The following CERS3 variants were observed in gnomAD, a reference collection of about 807,000 sequenced individuals.
CERS3 encodes the protein ceramide synthase 3.
CERS3 carries 33 observed loss-of-function variants against 50.3 expected under a neutral mutation model. The observed-to-expected ratio is 0.66, with a 90% CI of 0.50 to 0.88. CERS3 has a LOEUF of 0.88. Among genes scored for constraint, CERS3 ranks in the 40% least tolerant of loss-of-function variants. The pLI is 0.00. For synonymous variants in CERS3, 176 were observed against 155.2 expected, an observed-to-expected ratio of 1.13 and a Z score of -0.99; for missense variants, 470 against 460.3, an observed-to-expected ratio of 1.02 and a Z score of -0.19.
chr15:100,415,838 T>C (rs1332556837), intron 11 of CERS3, among the ~76,000 whole-genome samples: 2 of 151,970 alleles, frequency 1.3e-5, no homozygotes, highest in African/African-American at 2.4e-5. Context: ...AAATACCTAA[T>C]GTATGTGGGG....
intron 4 of CERS3, among the ~76,000 whole-genome samples, chr15:100,487,515 C>G (rs72759138): frequency 0.041 from 6,294 of 152,296 alleles, 179 homozygotes; most frequent in Non-Finnish European, 0.055. Context: ...CTTACATGGT[C>G]TGTCCTCACA....
At chr15:100,467,327 G>T (rs1278810547) in intron 10 of CERS3, among the ~76,000 whole-genome samples, 11 of 152,148 alleles carry the variant, frequency 7.2e-5, no homozygotes. Flanking sequence ...AATAAATGTT[G>T]TTGTCTTAAG....
chr15:100,402,522 T>C lies in CERS3; in HGVS notation c.*191A>G. 3 of 587,676 alleles carry C rather than the reference T, an allele frequency of 5.1e-6. No homozygotes were observed. Among genetic ancestry groups the C allele is most frequent in the Non-Finnish European group, 8.9e-6 (3 of 336,484 alleles). The allele number at this position is 587,676 out of a possible 1,614,324, so 36.4% of individuals were successfully genotyped here. On this transcript the variant is annotated 3_prime_UTR_variant, in exon 12 of 12. Transcript: ENST00000679737. Reference sequence around the variant, plus strand: ...GTCTGAGTCCTAACTGCAGTAAAAATCCATGGGCATGCTTATATTTAACAT... The same window carrying C: ...GTCTGAGTCCTAACTGCAGTAAAAACCCATGGGCATGCTTATATTTAACAT...
At chr15:100,433,430 T>C (rs1359968583) in intron 11 of CERS3, among the ~76,000 whole-genome samples, 1 of 152,000 alleles carries the variant, frequency 6.6e-6, no homozygotes, top group Non-Finnish European at 1.5e-5. Context: ...GTTCAGCTTA[T>C]CTATAAGGAG....
intron 3 of CERS3, among the ~76,000 whole-genome samples, chr15:100,501,338 T>G (rs1295228003): frequency 2.6e-5 from 4 of 152,210 alleles, no homozygotes; most frequent in African/African-American, 9.6e-5. Flanking sequence ...GGAATGCACA[T>G]GCATTGTCAG....
At chr15:100,409,293 G>A (rs534009564) in intron 11 of CERS3, among the ~76,000 whole-genome samples, 19 of 152,246 alleles carry the variant, frequency 1.2e-4, no homozygotes, top group African/African-American at 3.9e-4. Context: ...ACACGGACAT[G>A]TTCTACATTC....
chr15:100,441,348 C>A (rs909012121), intron 11 of CERS3, among the ~76,000 whole-genome samples: 1 of 151,680 alleles, frequency 6.6e-6, no homozygotes, highest in Non-Finnish European at 1.5e-5. Context: ...TATTTCCATG[C>A]CCCGACCCCT....
At chr15:100,508,108 G>A (rs1181107947) in intron 2 of CERS3, among the ~76,000 whole-genome samples, 1 of 152,084 alleles carries the variant, frequency 6.6e-6, no homozygotes, top group African/African-American at 2.4e-5. Context: ...AACCGTAAGT[G>A]TAGCAGAGGT....
chr15:100,512,467 C>T (rs1221187957), intron 2 of CERS3, among the ~76,000 whole-genome samples: 1 of 152,176 alleles, frequency 6.6e-6, no homozygotes, highest in Non-Finnish European at 1.5e-5. Context: ...TCCCAGAACC[C>T]TACAGGGCAG....
intron 7 of CERS3, among the ~76,000 whole-genome samples, 169 bp downstream of exon 7, chr15:100,479,255 AAAGG>A (rs1443617625): frequency 1.3e-5 from 2 of 152,106 alleles, no homozygotes; most frequent in African/African-American, 4.8e-5. Context: ...TAAACAAACT[AAAGG>A]AATGAGACAA....
chr15:100,426,723 GC>G (rs1326920119), intron 11 of CERS3, among the ~76,000 whole-genome samples: 2 of 152,180 alleles, frequency 1.3e-5, no homozygotes, highest in African/African-American at 4.8e-5. Flanking sequence ...CCTCTTTCAG[GC>G]TTCAAACTCA....
upstream of CERS3, among the ~76,000 whole-genome samples, chr15:100,532,909 T>C (rs907402540): frequency 6.6e-6 from 1 of 152,124 alleles, no homozygotes; most frequent in African/African-American, 2.4e-5. Flanking sequence ...CCCGCTCAAA[T>C]GTGAAGCCTA....
At chr15:100,418,789 AG>A (rs1168288767) in intron 11 of CERS3, among the ~76,000 whole-genome samples, 1 of 145,172 alleles carries the variant, frequency 6.9e-6, no homozygotes, top group Non-Finnish European at 1.5e-5. Flanking sequence ...ACATTCTTAA[AG>A]AAAAGAATTT....
rs2035435332 is a variant in CERS3, at chr15:100,484,663, A to G, written c.294T>C (p.Asp98=). The G allele has an allele frequency of 1.2e-6, 2 of 1,610,606 alleles. No homozygotes were observed. The highest frequency in any genetic ancestry group is 1.7e-6 in the Non-Finnish European group (2 of 1,176,824). ...KHSTRQPLQT[D]IYGLAKKCNL... ...TACACTTCTTTGCCAGTCCATAAAT[A>G]TCAGTCTGAAAAGGGATGAAACGCA... Residue 98 remains aspartate, a synonymous_variant, in exon 5 of 12, where the codon GAT becomes GAC. Transcript: ENST00000679737.
chr15:100,462,842 G>A (rs1206142607), intron 10 of CERS3, among the ~76,000 whole-genome samples: 1 of 152,184 alleles, frequency 6.6e-6, no homozygotes, highest in East Asian at 1.9e-4. Context: ...CAGTCAGGGG[G>A]AAAAGCAATA....
At chr15:100,403,079 T>C (rs898904802) in intron 11 of CERS3, among the ~76,000 whole-genome samples, 5 of 152,306 alleles carry the variant, frequency 3.3e-5, no homozygotes, top group Middle Eastern at 3.4e-3. Context: ...TTCTAGACCA[T>C]AATGGAATTA....
intron 11 of CERS3, among the ~76,000 whole-genome samples, chr15:100,429,240 A>G (rs1008847348): frequency 2.0e-5 from 3 of 152,192 alleles, no homozygotes; most frequent in Non-Finnish European, 4.4e-5. Flanking sequence ...TGGTTTCTAT[A>G]GCAGTGCTCT....
rs191236160 is a variant in CERS3, at chr15:100,513,834, C to T, written c.-2+7833G>A. The stretch of plus-strand genomic sequence containing the variant: ...TTACTGTCAAAGTTCTTTTTTTAGC[C>T]TTGTGGCATGTGCATAGGCCATTCC... On this transcript the variant is annotated intron_variant, in intron 2 of 11. Coordinates refer to ENST00000679737, the MANE Select transcript of CERS3 (RefSeq NM_001378789.1). 1.0e-3 allele frequency among the ~76,000 whole-genome samples: 156 copies of T among 152,148 alleles called. 2 individuals carry two copies. Among genetic ancestry groups the T allele is most frequent in the Admixed American group, 2.0e-3 (30 of 15,282 alleles).
At chr15:100,484,082 C>G (rs2035412525) in intron 5 of CERS3, among the ~76,000 whole-genome samples, 1 of 152,052 alleles carries the variant, frequency 6.6e-6, no homozygotes, top group East Asian at 1.9e-4. Flanking sequence ...CCACGCCACA[C>G]AGAGAGGCCT....
Sources: gnomAD v4.1 joint callset for allele counts (sites outside exome capture counted in the v4.1 genomes callset) on GRCh38, gnomAD v4.1.1 for gene constraint, MANE v1.5 for transcripts, NCBI Gene and HGNC (gene_info 2026-07-23, HGNC 2026-07-21) for gene names.